The following WDPCP variants were observed in gnomAD, a reference collection of about 807,000 sequenced individuals.
WDPCP encodes the protein WD repeat containing planar cell polarity effector.
Under a neutral mutation model 93.1 loss-of-function variants are expected in WDPCP, and 71 were observed. That is an observed-to-expected ratio of 0.76 (90% CI 0.63 to 0.93). The LOEUF (loss-of-function observed/expected upper bound fraction) is 0.93, where lower values mean the gene tolerates loss of function less well. Ranked by LOEUF, WDPCP falls within the 40% of genes least tolerant of loss-of-function variation. The probability of loss-of-function intolerance (pLI) is 0.00; values close to 1 mark genes in which losing one functional copy is unlikely to be tolerated. For missense variants in WDPCP, 844 were observed against 887.4 expected (o/e 0.95, Z 0.62); for synonymous variants, 315 against 315.0 (o/e 1.00, Z 0.00).
intron 10 of WDPCP, among the ~76,000 whole-genome samples, chr2:63,395,887 C>G (rs1177688989): frequency 6.6e-6 from 1 of 152,022 alleles, no homozygotes; most frequent in Non-Finnish European, 1.5e-5. Flanking sequence ...GCCACCATAC[C>G]CAGGTAATTT....
At chr2:63,173,418 A>G (rs1225350342) in intron 15 of WDPCP, among the ~76,000 whole-genome samples, 1 of 152,150 alleles carries the variant, frequency 6.6e-6, no homozygotes, top group Non-Finnish European at 1.5e-5. Context: ...ATTTCCTATC[A>G]AGTTTGTCAA....
chr2:63,524,775 T>G (rs1703199187), intron 1 of WDPCP, among the ~76,000 whole-genome samples: 1 of 152,168 alleles, frequency 6.6e-6, no homozygotes, highest in East Asian at 1.9e-4. Context: ...ACTAAAGAAC[T>G]TCTGCACAGC....
chr2:63,815,127 A>T (rs1045723457), intron 1 of WDPCP, among the ~76,000 whole-genome samples: 4 of 152,172 alleles, frequency 2.6e-5, no homozygotes, highest in African/African-American at 7.2e-5. Context: ...CATTTACAAG[A>T]CCATGTTTTA....
chr2:63,242,044 C>A (rs114757217), intron 14 of WDPCP, among the ~76,000 whole-genome samples: 2,151 of 152,040 alleles, frequency 0.014, 31 homozygotes, highest in Non-Finnish European at 0.021. Flanking sequence ...TAAATATATG[C>A]ATAGAAAAAA....
At chr2:63,384,875 TAAAAAG>T (rs1466816963) in intron 10 of WDPCP, among the ~76,000 whole-genome samples, 1 of 151,460 alleles carries the variant, frequency 6.6e-6, no homozygotes, top group Admixed American at 6.6e-5. Flanking sequence ...TACAAGAAAA[TAAAAAG>T]AAAACTACAG....
At chr2:63,647,451 C>G (rs914112205) in intron 3 of WDPCP, among the ~76,000 whole-genome samples, 2 of 152,052 alleles carry the variant, frequency 1.3e-5, no homozygotes, top group South Asian at 2.1e-4. Flanking sequence ...TTTCAAATAG[C>G]CTGTCTTGAT....
chr2:63,506,756 A>G (rs922000987), intron 1 of WDPCP, among the ~76,000 whole-genome samples: 3 of 152,112 alleles, frequency 2.0e-5, no homozygotes, highest in Non-Finnish European at 2.9e-5. Flanking sequence ...CAGTTGGCCA[A>G]TGATCTCTCC....
chr2:63,625,675 C>G (rs1049387058), intron 3 of WDPCP, among the ~76,000 whole-genome samples: 2 of 152,080 alleles, frequency 1.3e-5, no homozygotes, highest in African/African-American at 4.8e-5. Flanking sequence ...AAACCACGCT[C>G]AAGGCAATAA....
intron 2 of WDPCP, among the ~76,000 whole-genome samples, chr2:63,767,882 A>G (rs938913997): frequency 6.6e-6 from 1 of 152,074 alleles, no homozygotes; most frequent in African/African-American, 2.4e-5. Context: ...CATCTCTTTC[A>G]TATGGTATCT....
chr2:63,338,555 AAAAAAAAAAAAAAAATATATAT>A (rs1267507085), intron 12 of WDPCP, among the ~76,000 whole-genome samples: 3 of 12,798 alleles, frequency 2.3e-4, no homozygotes, highest in African/African-American at 1.6e-3. Flanking sequence ...TCCATCTAAA[AAAAAAAAAAAAAAAATATATAT>A]ATATATATAT....
intron 13 of WDPCP, among the ~76,000 whole-genome samples, chr2:63,277,856 A>G (rs1683205043): frequency 6.6e-6 from 1 of 152,212 alleles, no homozygotes. Context: ...TCAAGACAGA[A>G]AGTCAAGAAA....
chr2:63,630,992 A>G (rs1160981293), intron 3 of WDPCP, among the ~76,000 whole-genome samples: 1 of 152,136 alleles, frequency 6.6e-6, no homozygotes, highest in East Asian at 1.9e-4. Context: ...TAATGAAAAT[A>G]TAATATATCA....
intron 1 of WDPCP, among the ~76,000 whole-genome samples, chr2:63,523,009 G>C (rs1217883837): frequency 6.6e-6 from 1 of 152,098 alleles, no homozygotes; most frequent in African/African-American, 2.4e-5. Context: ...ACACAAAAAA[G>C]AAAACTTCAG....
chr2:63,650,864 T>A (rs1382278836), intron 2 of WDPCP: 1 of 152,222 alleles, frequency 6.6e-6, no homozygotes, highest in African/African-American at 2.4e-5. Context: ...ATGATTACAA[T>A]TGTAGTATTG....
chr2:63,622,416 A>T, intron 3 of WDPCP: 1 of 1,613,704 alleles, frequency 6.2e-7, no homozygotes, highest in South Asian at 1.1e-5. Flanking sequence ...AGCTCTGGAG[A>T]CACCAAATAA....
chr2:63,639,963 G>GGC (rs2106634401), intron 3 of WDPCP, among the ~76,000 whole-genome samples: 1 of 152,242 alleles, frequency 6.6e-6, no homozygotes, highest in South Asian at 2.1e-4. Flanking sequence ...TGCATTCTTG[G>GGC]GCGCTTATTC....
At chr2:63,722,138 G>C (rs1241161040) in intron 2 of WDPCP, among the ~76,000 whole-genome samples, 4 of 152,110 alleles carry the variant, frequency 2.6e-5, no homozygotes, top group African/African-American at 9.6e-5. Flanking sequence ...TGCAGCCTCT[G>C]CCCGGCCGCC....
chr2:63,537,883 A>G (rs1704417685), intron 1 of WDPCP, among the ~76,000 whole-genome samples: 1 of 152,220 alleles, frequency 6.6e-6, no homozygotes, highest in Non-Finnish European at 1.5e-5. Flanking sequence ...TTTTATACCC[A>G]GGTTCTTAAA....
intron 9 of WDPCP, among the ~76,000 whole-genome samples, chr2:63,407,541 TA>T (rs1694684388): frequency 6.6e-6 from 1 of 152,172 alleles, no homozygotes; most frequent in Non-Finnish European, 1.5e-5. Flanking sequence ...TTCCCTGCTC[TA>T]TAACTTCATT....
Sources: gnomAD v4.1 joint callset for allele counts (sites outside exome capture counted in the v4.1 genomes callset) on GRCh38, gnomAD v4.1.1 for gene constraint, MANE v1.5 for transcripts, NCBI Gene and HGNC (gene_info 2026-07-23, HGNC 2026-07-21) for gene names.